PTPRN2: variants seen among roughly 807,000 people sequenced by gnomAD.
The protein encoded by PTPRN2 is protein tyrosine phosphatase receptor type N2.
In PTPRN2, 74 loss-of-function variants were observed where a neutral mutation model predicts 118.8. That is an observed-to-expected ratio of 0.62 (90% CI 0.52 to 0.76). The LOEUF (loss-of-function observed/expected upper bound fraction) is 0.76, where lower values mean the gene tolerates loss of function less well. Among genes scored for constraint, PTPRN2 ranks in the 30% least tolerant of loss-of-function variants. The probability of loss-of-function intolerance (pLI) is 0.00; values close to 1 mark genes in which losing one functional copy is unlikely to be tolerated. For synonymous variants in PTPRN2, 641 were observed against 608.0 expected (o/e 1.05, Z -0.80); for missense variants, 1,481 against 1,394.4 (o/e 1.06, Z -0.99).
At chr7:157,541,473 C>T (rs183786474) in intron 22 of PTPRN2, among the ~76,000 whole-genome samples, 10 of 152,390 alleles carry the variant, frequency 6.6e-5, no homozygotes, top group African/African-American at 2.4e-4. Context: ...GTTCACGATG[C>T]CAGGACTATT....
At chr7:157,606,167 C>G (rs967714552) in intron 15 of PTPRN2, among the ~76,000 whole-genome samples, 2 of 152,218 alleles carry the variant, frequency 1.3e-5, no homozygotes, top group Non-Finnish European at 2.9e-5. Context: ...GCTGTGACAG[C>G]GCCCGGGCTC....
chr7:157,548,099 T>C (rs1798416576), intron 22 of PTPRN2, among the ~76,000 whole-genome samples: 1 of 152,154 alleles, frequency 6.6e-6, no homozygotes, highest in South Asian at 2.1e-4. Context: ...TTTATTTATA[T>C]TTTTTGCTTG....
chr7:158,181,203 G>A, intron 5 of PTPRN2, among the ~76,000 whole-genome samples: 1 of 152,112 alleles, frequency 6.6e-6, no homozygotes, highest in African/African-American at 2.4e-5. Context: ...ATAATCGTAT[G>A]GTGTTTGTTT....
intron 12 of PTPRN2, among the ~76,000 whole-genome samples, chr7:157,789,076 C>T (rs1427573638): frequency 1.3e-5 from 2 of 152,208 alleles, no homozygotes; most frequent in African/African-American, 2.4e-5. Context: ...AATTAGAGAG[C>T]GTCACAAAAA....
At chr7:158,075,808 C>A (rs1168370292) in intron 11 of PTPRN2, among the ~76,000 whole-genome samples, 1 of 152,210 alleles carries the variant, frequency 6.6e-6, no homozygotes, top group Admixed American at 6.5e-5. Context: ...GCAGGATGAG[C>A]ACGAGCCCCA....
At chr7:158,053,469 A>G (rs1203522241) in intron 11 of PTPRN2, among the ~76,000 whole-genome samples, 1 of 152,222 alleles carries the variant, frequency 6.6e-6, no homozygotes, top group Admixed American at 6.5e-5. Flanking sequence ...GAAGACAGAA[A>G]AGAAAAGAAT....
intron 11 of PTPRN2, among the ~76,000 whole-genome samples, chr7:158,038,251 C>A (rs752226208): frequency 6.6e-5 from 10 of 152,150 alleles, no homozygotes; most frequent in Non-Finnish European, 1.3e-4. Flanking sequence ...TATAAGTACA[C>A]ACATGGGGAC....
chr7:158,411,536 G>C (rs1814087535), intron 2 of PTPRN2, among the ~76,000 whole-genome samples: 1 of 152,180 alleles, frequency 6.6e-6, no homozygotes, highest in African/African-American at 2.4e-5. Context: ...GTCGTCCCGG[G>C]AACAGGGGTC....
chr7:157,752,803 G>A (rs1420903667), intron 12 of PTPRN2, among the ~76,000 whole-genome samples: 1 of 152,258 alleles, frequency 6.6e-6, no homozygotes, highest in East Asian at 1.9e-4. Flanking sequence ...TGTGATTAGA[G>A]ATGGCCAGCT....
chr7:157,759,235 G>C (rs1801992663), intron 12 of PTPRN2, among the ~76,000 whole-genome samples: 1 of 152,228 alleles, frequency 6.6e-6, no homozygotes, highest in Non-Finnish European at 1.5e-5. Flanking sequence ...TCCGAGCTAA[G>C]TTACGTCTCC....
intron 12 of PTPRN2, among the ~76,000 whole-genome samples, chr7:157,701,365 C>A (rs1429845978): frequency 6.6e-6 from 1 of 152,186 alleles, no homozygotes; most frequent in East Asian, 1.9e-4. Flanking sequence ...AGCCTCCCCC[C>A]AGTAATAATA....
intron 1 of PTPRN2, among the ~76,000 whole-genome samples, chr7:158,540,660 C>T (rs1486830335): frequency 2.6e-5 from 4 of 152,200 alleles, no homozygotes; most frequent in African/African-American, 9.6e-5. Flanking sequence ...CCTGGGGCTT[C>T]GGGCAGGGGT....
At chr7:158,190,587 C>T (rs1388860743) in intron 5 of PTPRN2, among the ~76,000 whole-genome samples, 1 of 152,188 alleles carries the variant, frequency 6.6e-6, no homozygotes, top group Non-Finnish European at 1.5e-5. Flanking sequence ...ACCTGGGGCC[C>T]ACAGAGCCCT....
intron 12 of PTPRN2, among the ~76,000 whole-genome samples, chr7:157,879,056 G>C (rs192668333): frequency 2.1e-5 from 3 of 144,728 alleles, no homozygotes; most frequent in Non-Finnish European, 3.0e-5. Flanking sequence ...ACTCACCGAG[G>C]AGCTCTCTCA....
intron 10 of PTPRN2, among the ~76,000 whole-genome samples, chr7:158,106,520 T>C (rs540842662): frequency 6.6e-6 from 1 of 152,204 alleles, no homozygotes; most frequent in Non-Finnish European, 1.5e-5. Context: ...TATTTCCACC[T>C]TTTCTGACTC....
intron 1 of PTPRN2, among the ~76,000 whole-genome samples, chr7:158,537,907 TGA>T (rs1465081086): frequency 2.0e-5 from 3 of 152,270 alleles, no homozygotes; most frequent in Non-Finnish European, 4.4e-5. Flanking sequence ...AGCTTCACCT[TGA>T]CCTCATAAAT....
intron 3 of PTPRN2, among the ~76,000 whole-genome samples, chr7:158,240,258 AG>A (rs1795832755): frequency 1.3e-4 from 1 of 7,662 alleles, no homozygotes; most frequent in Non-Finnish European, 3.9e-4. Flanking sequence ...ACCAAAAAAG[AG>A]AGAGAGAGAG....
chr7:157,840,888 C>T lies in PTPRN2; in HGVS notation c.1788+57785G>A, dbSNP rs184069214. On this transcript the variant is annotated intron_variant, in intron 12 of 22. Transcript: ENST00000389418. Reference sequence around the variant, plus strand: ...CTTCTTGGAGAGGTGAGGGGCTGGGCGCCCTCTCAGGCAGTGCCCAGGGAG... The same window carrying T: ...CTTCTTGGAGAGGTGAGGGGCTGGGTGCCCTCTCAGGCAGTGCCCAGGGAG... Among the ~76,000 whole-genome samples the T allele has an allele frequency of 1.9e-3, 296 of 152,358 alleles. 4 individuals are homozygous for T. Among genetic ancestry groups the T allele is most frequent in the African/African-American group, 6.9e-3 (285 of 41,582 alleles).
intron 11 of PTPRN2, among the ~76,000 whole-genome samples, chr7:158,077,134 C>T (rs983217025): frequency 7.9e-5 from 12 of 152,224 alleles, no homozygotes; most frequent in African/African-American, 2.4e-4. Context: ...CAGAACGCTG[C>T]GGGCTATGGG....
Sources: gnomAD v4.1 joint callset for allele counts (sites outside exome capture counted in the v4.1 genomes callset) on GRCh38, gnomAD v4.1.1 for gene constraint, MANE v1.5 for transcripts, NCBI Gene and HGNC (gene_info 2026-07-23, HGNC 2026-07-21) for gene names.